The following ZMYM2 variants were observed in gnomAD, a reference collection of about 807,000 sequenced individuals.
The protein encoded by ZMYM2 is zinc finger MYM-type protein 2.
ZMYM2 carries 56 observed loss-of-function variants against 162.8 expected under a neutral mutation model. That is an observed-to-expected ratio of 0.34 (90% CI 0.28 to 0.43). ZMYM2 has a LOEUF of 0.43. ZMYM2 is among the 20% of genes least tolerant of loss of function. The pLI is 1.00. For synonymous variants in ZMYM2, 510 were observed against 541.6 expected (o/e 0.94, Z 0.81); for missense variants, 1,275 against 1,621.8 (o/e 0.79, Z 3.67).
At chr13:20,065,449 T>C (rs943527757) in intron 19 of ZMYM2, among the ~76,000 whole-genome samples, 3 of 151,984 alleles carry the variant, frequency 2.0e-5, no homozygotes, top group African/African-American at 7.2e-5. Flanking sequence ...AATAAATAAA[T>C]AAACTGGACT....
In ZMYM2 at chr13:20,064,472, A is replaced by G. The variant is rs781695873; in HGVS notation, c.3059A>G (p.Glu1020Gly). ...FPRAAEELDM[E>G]NEFLLPPVFG... ...TCAGCTGCTGAGGAGCTTGATATGG[A>G]AAATGAATTTTTATTACCACCTGTT... Residue 1020 changes from glutamate to glycine, a missense_variant, in exon 19 of 25, where the codon GAA (glutamate) becomes GGA (glycine). By Grantham distance (98) the Glu-to-Gly change is moderately conservative. This residue lies in a region of ZMYM2 where 229 missense variants were observed against 283.8 expected (regional missense o/e 0.81). Transcript: ENST00000610343. The G allele has an allele frequency of 6.3e-7, 1 of 1,599,844 alleles. No individual in the cohort carries two copies. The highest frequency in any genetic ancestry group is 1.7e-5 in the Admixed American group (1 of 58,238).
At chr13:19,983,480 T>TA (rs1488067918) in intron 2 of ZMYM2, among the ~76,000 whole-genome samples, 2 of 152,104 alleles carry the variant, frequency 1.3e-5, no homozygotes, top group Non-Finnish European at 1.5e-5. Flanking sequence ...CTTTTTTGTG[T>TA]AATCACATTG....
At chr13:20,008,167 T>C (rs1950895898) in intron 6 of ZMYM2, among the ~76,000 whole-genome samples, 1 of 152,226 alleles carries the variant, frequency 6.6e-6, no homozygotes, top group African/African-American at 2.4e-5. Flanking sequence ...TCTTGCTCTG[T>C]TGCCCAAGCT....
intron 10 of ZMYM2, among the ~76,000 whole-genome samples, chr13:20,032,599 C>CT (rs57294389): frequency 0.12 from 7,748 of 65,978 alleles, 1,628 homozygotes; most frequent in Non-Finnish European, 0.13. Flanking sequence ...TTTTTTCTGT[C>CT]TTTTTTTTTT....
At chr13:20,052,921 A>ATGT (rs1955493938) in intron 14 of ZMYM2, among the ~76,000 whole-genome samples, 1 of 152,200 alleles carries the variant, frequency 6.6e-6, no homozygotes, top group Non-Finnish European at 1.5e-5. Context: ...CTGAAGATAT[A>ATGT]TGTTGGTGGC....
chr13:20,021,234 C>T (rs967572145), intron 7 of ZMYM2, among the ~76,000 whole-genome samples: 9 of 152,054 alleles, frequency 5.9e-5, no homozygotes, highest in Non-Finnish European at 1.0e-4. Context: ...CTCGGCCTCC[C>T]AAAGTGCTGG....
intron 21 of ZMYM2, among the ~76,000 whole-genome samples, chr13:20,075,670 CTTTTTTTTTTTTTTTT>C (rs56664916): frequency 9.8e-4 from 74 of 75,724 alleles, no homozygotes; most frequent in East Asian, 3.3e-3. Flanking sequence ...CTATAGACAC[CTTTTTTTTTTTTTTTT>C]TTTTTTTTTT....
chr13:20,015,381 ATTCT>A (rs1951537387), intron 6 of ZMYM2, among the ~76,000 whole-genome samples: 3 of 152,190 alleles, frequency 2.0e-5, no homozygotes, highest in Admixed American at 1.3e-4. Flanking sequence ...AACATAGTTC[ATTCT>A]GGAAATTGCT....
rs553620223 is a variant in ZMYM2, at chr13:20,084,589, T to A, written c.3941+813T>A. 2.6e-5 allele frequency among the ~76,000 whole-genome samples: 4 copies of A among 152,292 alleles called. No homozygotes were observed. The South Asian group carries it at 8.3e-4, about 32-fold the overall frequency. On this transcript the variant is annotated intron_variant, in intron 24 of 24. Coordinates refer to ENST00000610343, the MANE Select transcript of ZMYM2 (RefSeq NM_197968.4). ...CAAAGGTAGTATAGATAGGTGGAAA[T>A]GTAAGTGAAGTATTTACATTTAAGA...
intron 14 of ZMYM2, among the ~76,000 whole-genome samples, chr13:20,058,032 T>TC (rs1955941830): frequency 6.6e-6 from 1 of 152,196 alleles, no homozygotes; most frequent in Non-Finnish European, 1.5e-5. Context: ...AGAGACTGCA[T>TC]CTGTAGAATA....
At chr13:20,083,919 T>C (rs1428221583) in intron 24 of ZMYM2, 143 bp downstream of exon 24, 3 of 851,750 alleles carry the variant, frequency 3.5e-6, no homozygotes, top group South Asian at 1.6e-5. Flanking sequence ...CATTCAGTTA[T>C]AATCTTTTAT....
intron 10 of ZMYM2, among the ~76,000 whole-genome samples, chr13:20,033,938 A>G (rs1442338630): frequency 6.6e-6 from 1 of 152,078 alleles, no homozygotes; most frequent in Non-Finnish European, 1.5e-5. Flanking sequence ...TCTTTAGTTT[A>G]CCTATGCTGT....
chr13:19,965,746 C>T (rs1463353758), intron 2 of ZMYM2, among the ~76,000 whole-genome samples: 1 of 145,124 alleles, frequency 6.9e-6, no homozygotes, highest in Admixed American at 6.9e-5. Context: ...TTAATTATTT[C>T]TGGCCCTGAT....
At chr13:19,870,521 C>CTT in the ZMYM2 span, among the ~76,000 whole-genome samples, 6 of 47,326 alleles carry the variant, frequency 1.3e-4, no homozygotes, top group South Asian at 1.2e-3. Flanking sequence ...CTCCCTCTTT[C>CTT]TCTCTTTCTT....
intron 8 of ZMYM2, 103 bp downstream of exon 8, chr13:20,026,865 A>G (rs1952631527): frequency 8.4e-7 from 1 of 1,190,010 alleles, no homozygotes; most frequent in South Asian, 1.7e-5. Flanking sequence ...ACAGCTTTTT[A>G]TTTTATATTA....
intron 2 of ZMYM2, among the ~76,000 whole-genome samples, chr13:19,992,519 C>T (rs557245344): frequency 2.0e-5 from 3 of 152,254 alleles, no homozygotes; most frequent in East Asian, 3.9e-4. Flanking sequence ...ATGGTCACAA[C>T]GCTGCACTCC....
At chr13:19,931,032 G>T in the ZMYM2 span, among the ~76,000 whole-genome samples, 6 of 151,286 alleles carry the variant, frequency 4.0e-5, 1 homozygote, top group East Asian at 1.2e-3. Context: ...CTAGCTACTT[G>T]GGGGGCTGAG....
At chr13:20,053,709 A>T (rs1396413321) in intron 14 of ZMYM2, among the ~76,000 whole-genome samples, 1 of 152,152 alleles carries the variant, frequency 6.6e-6, no homozygotes, top group East Asian at 1.9e-4. Flanking sequence ...CAGACATGAG[A>T]ATCACTGATA....
chr13:20,036,747 A>G lies in ZMYM2; in HGVS notation c.2130A>G (p.Leu710=). 6.5e-7 allele frequency: 1 copy of G among 1,546,566 alleles called. No individual in the cohort carries two copies. The highest frequency in any genetic ancestry group is 1.3e-5 in the South Asian group (1 of 78,016). ...KRPFCSEGCK[L]LYKQDFARRL... ...TCTTATATTTTTCAGGCTGCAAATT[A>G]TTATACAAACAGGATTTTGCCAGAC... Residue 710 remains leucine (L), a synonymous_variant, in exon 12 of 25, where the codon TTA becomes TTG. Transcript: ENST00000610343.
Sources: gnomAD v4.1 joint callset for allele counts (sites outside exome capture counted in the v4.1 genomes callset) on GRCh38, gnomAD v4.1.1 for gene constraint, gnomAD v4.1.1 regional missense constraint, MANE v1.5 for transcripts, NCBI Gene and HGNC (gene_info 2026-07-23, HGNC 2026-07-21) for gene names.